Variants in PC observed in about 807,000 individuals in gnomAD.
The protein encoded by PC is pyruvate carboxylase.
In PC, 46 loss-of-function variants were observed where a neutral mutation model predicts 107.8. The observed-to-expected ratio is 0.43, with a 90% CI of 0.34 to 0.55. PC has a LOEUF of 0.55. Ranked by LOEUF, PC falls within the 20% of genes least tolerant of loss-of-function variation. The probability of loss-of-function intolerance (pLI) is 0.04; values close to 1 mark genes in which losing one functional copy is unlikely to be tolerated. For missense variants in PC, 1,241 were observed against 1,643.1 expected (o/e 0.76, Z 4.23); for synonymous variants, 662 against 684.7 (o/e 0.97, Z 0.52).
intron 3 of PC, among the ~76,000 whole-genome samples, chr11:66,950,611 C>G (rs554958159): frequency 6.6e-6 from 1 of 152,304 alleles, no homozygotes; most frequent in South Asian, 2.1e-4. Flanking sequence ...TCAGCAGTGC[C>G]TTGGGAACTG....
chr11:66,945,415 G>GT (rs1300950425), intron 3 of PC, among the ~76,000 whole-genome samples: 1 of 23,446 alleles, frequency 4.3e-5, no homozygotes, highest in South Asian at 2.1e-3. Context: ...AATTCAAATG[G>GT]TTTGGGGGGG....
chr11:66,926,616 A>G (rs1189751861), intron 3 of PC, among the ~76,000 whole-genome samples: 2 of 152,196 alleles, frequency 1.3e-5, no homozygotes, highest in South Asian at 4.1e-4. Flanking sequence ...TATACAGTTC[A>G]GTGGTTTTTA....
Position 66,852,624 on chromosome 11 carries a change from C to T in PC, c.1640G>A (p.Arg547Gln), listed in dbSNP as rs142036463. The part of the protein sequence containing the change: ...PPAGFRDILL[R>Q]EGPEGFARAV... Reference sequence around the variant, plus strand: ...TCGAGCAAAGCCCTCAGGCCCCTCTCGCAGCAGGATGTCTCTGAAACCAGC... The same window carrying T: ...TCGAGCAAAGCCCTCAGGCCCCTCTTGCAGCAGGATGTCTCTGAAACCAGC... The change falls in exon 15 of 23, where the codon CGA (arginine) becomes CAA (glutamine). Residue 547 changes from arginine to glutamine, a missense_variant. By Grantham distance (43) the Arg-to-Gln change is conservative. Transcript: ENST00000393960. This position sits in a 1 kb window ranked among gnomAD's most constrained non-coding sequence, Gnocchi z 4.7. 35 of 1,613,784 alleles carry T rather than the reference C, an allele frequency of 2.2e-5. 1 individual carries two copies. The highest frequency in any genetic ancestry group is 2.1e-4 in the African/African-American group (16 of 74,940).
chr11:66,955,608 T>C (rs77160312), intron 1 of PC, among the ~76,000 whole-genome samples: 1,545 of 152,116 alleles, frequency 0.01, 28 homozygotes, highest in African/African-American at 0.034. Context: ...TGAGCAACTG[T>C]AGTGAACAAA....
chr11:66,879,843 G>A (rs977521310), intron 3 of PC, among the ~76,000 whole-genome samples: 3 of 152,180 alleles, frequency 2.0e-5, no homozygotes, highest in Admixed American at 6.5e-5. Context: ...ATGTGCTGCC[G>A]AGTGAGGCGG....
intron 3 of PC, among the ~76,000 whole-genome samples, chr11:66,876,351 G>A (rs776949765): frequency 7.2e-5 from 11 of 152,220 alleles, no homozygotes; most frequent in Non-Finnish European, 1.3e-4. Context: ...CGGGAACAAT[G>A]AAGCAAATGC....
intron 3 of PC, 126 bp downstream of exon 3, chr11:66,952,304 T>C (rs1949457884): frequency 6.6e-6 from 1 of 152,160 alleles, no homozygotes; most frequent in African/African-American, 2.4e-5. Flanking sequence ...TATCCACAAA[T>C]CAGAGCGCAG....
chr11:66,854,862 C>G (rs909504489), intron 12 of PC, among the ~76,000 whole-genome samples: 3 of 152,240 alleles, frequency 2.0e-5, no homozygotes, highest in Admixed American at 6.5e-5. Context: ...AGCCTCGCCC[C>G]TGCCTCTCCT....
At chr11:66,885,482 CTG>C (rs1415997076) in intron 3 of PC, among the ~76,000 whole-genome samples, 1 of 122,136 alleles carries the variant, frequency 8.2e-6, no homozygotes, top group Non-Finnish European at 1.6e-5. Flanking sequence ...CAGTGAGACT[CTG>C]TCTAAAAAAA....
intron 3 of PC, among the ~76,000 whole-genome samples, chr11:66,918,969 G>A (rs558429505): frequency 1.3e-5 from 2 of 152,172 alleles, no homozygotes; most frequent in African/African-American, 2.4e-5. Flanking sequence ...ACCAAGCCCC[G>A]TCAAGTTTCC....
chr11:66,941,409 A>G (rs767039579), intron 3 of PC, among the ~76,000 whole-genome samples: 4 of 152,266 alleles, frequency 2.6e-5, no homozygotes, highest in Non-Finnish European at 5.9e-5. Context: ...AGCATTATTC[A>G]TAATAGCTCA....
chr11:66,879,766 T>C (rs965387963), intron 3 of PC, among the ~76,000 whole-genome samples: 3 of 152,078 alleles, frequency 2.0e-5, no homozygotes, highest in African/African-American at 7.2e-5. Context: ...GGCAAGATGA[T>C]GAGGGAGGTG....
Position 66,852,933 on chromosome 11 carries a change from C to T in PC, c.1514-97G>A, listed in dbSNP as rs1311865249. On this transcript the variant is annotated intron_variant, in intron 13 of 22. Transcript: ENST00000393960. The surrounding 1 kb of genome is among the most constrained non-coding windows in gnomAD (Gnocchi z 4.7). ...CTGGGCTCAGGGACAGGGACACATCCCTCCAGGATCCCCGGGCTTCCAGCT... is the reference window on the plus strand; with the variant it reads ...CTGGGCTCAGGGACAGGGACACATCTCTCCAGGATCCCCGGGCTTCCAGCT... 4.3e-6 allele frequency: 4 copies of T among 937,822 alleles called. No homozygotes were observed. The highest frequency in any genetic ancestry group is 6.4e-6 in the Non-Finnish European group (4 of 629,146). The allele number at this position is 937,822 out of a possible 1,614,324, so 58.1% of individuals were successfully genotyped here.
intron 3 of PC, among the ~76,000 whole-genome samples, chr11:66,888,386 C>T (rs1041881765): frequency 2.0e-5 from 3 of 152,212 alleles, no homozygotes; most frequent in Admixed American, 2.0e-4. Context: ...AGGTGTGCCA[C>T]CTGTGAGCCT....
Position 66,866,368 on chromosome 11 carries a change from A to C in PC, c.1023-19T>G. 3.6e-6 allele frequency: 4 copies of C among 1,104,066 alleles called. No homozygotes were observed. The highest frequency in any genetic ancestry group is 4.8e-6 in the Non-Finnish European group (4 of 827,576). The allele number at this position is 1,104,066 out of a possible 1,614,324, so 68.4% of individuals were successfully genotyped here. On this transcript the variant is annotated intron_variant, in intron 10 of 22. Coordinates refer to ENST00000393960, the MANE Select transcript of PC (RefSeq NM_001040716.2). The surrounding 1 kb of genome is among the most constrained non-coding windows in gnomAD (Gnocchi z 5.4). The stretch of plus-strand genomic sequence containing the variant: ...GTCTACGCTGTAGGGCATTGGGGGG[A>C]GGGGGGAAAGGACGGGAGAAAGGGG...
intron 3 of PC, among the ~76,000 whole-genome samples, chr11:66,900,259 C>T (rs1947901365): frequency 7.0e-6 from 1 of 143,026 alleles, no homozygotes; most frequent in Non-Finnish European, 1.5e-5. Flanking sequence ...CGGCTCACTG[C>T]AAGCTCTGAC....
intron 16 of PC, among the ~76,000 whole-genome samples, 191 bp from the exon 17 acceptor site, chr11:66,851,471 G>A (rs1026574809): frequency 6.6e-6 from 1 of 152,182 alleles, no homozygotes; most frequent in Admixed American, 6.5e-5. Context: ...GGATCAGCTA[G>A]GCCAGTGGCA....
chr11:66,935,921 A>G (rs1948989482), intron 3 of PC, among the ~76,000 whole-genome samples: 1 of 152,102 alleles, frequency 6.6e-6, no homozygotes, highest in Non-Finnish European at 1.5e-5. Context: ...TTTACAAAAA[A>G]TACAAAAACT....
Position 66,893,082 on chromosome 11 carries a change from C to T in PC, c.1-20923G>A, listed in dbSNP as rs1401940790. Among the ~76,000 whole-genome samples, 4 of 152,120 alleles carry T rather than the reference C, an allele frequency of 2.6e-5. No homozygotes were observed. In the East Asian group the frequency reaches 5.8e-4, roughly 22 times the overall value. ...TGACAGACCCTTAGAACAAGTCAGA[C>T]GACCTGAAAGATGAGATTCTGCTGT... On this transcript the variant is annotated intron_variant, in intron 3 of 22. Transcript: ENST00000393960.
Sources: gnomAD v4.1 joint callset for allele counts (sites outside exome capture counted in the v4.1 genomes callset) on GRCh38, gnomAD v4.1.1 for gene constraint, Gnocchi (gnomAD v3.1) non-coding constraint, MANE v1.5 for transcripts, NCBI Gene and HGNC (gene_info 2026-07-23, HGNC 2026-07-21) for gene names.